Variants in DENND1A observed in about 807,000 individuals in gnomAD.
DENND1A encodes the protein DENN domain-containing protein 1A.
DENND1A carries 51 observed loss-of-function variants against 113.7 expected under a neutral mutation model. The ratio of observed to expected loss-of-function variants is 0.45; its 90% CI spans 0.36 to 0.57. The LOEUF is 0.57. DENND1A is among the 20% of genes least tolerant of loss of function. The pLI is 0.00. For missense variants in DENND1A, 1,258 were observed against 1,395.9 expected (o/e 0.90, Z 1.57); for synonymous variants, 565 against 570.8 (o/e 0.99, Z 0.14).
intron 13 of DENND1A, among the ~76,000 whole-genome samples, chr9:123,548,101 C>CCAT (rs1473400202): frequency 6.6e-6 from 1 of 152,158 alleles, no homozygotes; most frequent in African/African-American, 2.4e-5. Context: ...ATTCCAAAGG[C>CCAT]CATACTCCTT....
chr9:123,804,344 AT>A (rs1835188678), intron 2 of DENND1A, among the ~76,000 whole-genome samples: 1 of 152,150 alleles, frequency 6.6e-6, no homozygotes, highest in Non-Finnish European at 1.5e-5. Context: ...AGTCTCGGGT[AT>A]GTCTTTATAG....
chr9:123,542,573 A>G (rs1269236361), intron 13 of DENND1A, among the ~76,000 whole-genome samples: 1 of 152,074 alleles, frequency 6.6e-6, no homozygotes, highest in East Asian at 1.9e-4. Flanking sequence ...ACCTTTGCAC[A>G]CTGAGTTCCC....
At chr9:123,660,680 T>C (rs2063189757) in intron 8 of DENND1A, among the ~76,000 whole-genome samples, 1 of 152,158 alleles carries the variant, frequency 6.6e-6, no homozygotes, top group African/African-American at 2.4e-5. Flanking sequence ...TTAAATACAG[T>C]GAATTAAACA....
At chr9:123,553,662 G>C (rs1251581192) in intron 13 of DENND1A, among the ~76,000 whole-genome samples, 1 of 152,246 alleles carries the variant, frequency 6.6e-6, no homozygotes, top group South Asian at 2.1e-4. Context: ...CAAAAGAAAC[G>C]AAAAATCCTA....
intron 13 of DENND1A, among the ~76,000 whole-genome samples, chr9:123,471,298 C>A (rs578248532): frequency 6.6e-6 from 1 of 152,068 alleles, no homozygotes; most frequent in African/African-American, 2.4e-5. Context: ...TCTCATCTGC[C>A]GAATGGGGGA....
intron 5 of DENND1A, among the ~76,000 whole-genome samples, chr9:123,693,851 CAG>C (rs958307392): frequency 1.6e-5 from 2 of 122,070 alleles, no homozygotes; most frequent in Non-Finnish European, 3.6e-5. Flanking sequence ...TATTTTGAGA[CAG>C]AATCTCTCTC....
rs553140669 is a variant in DENND1A at position 123,437,814 on chromosome 9, A to C, written c.1488+2546T>G. 9 of 152,284 alleles carry C rather than the reference A, an allele frequency of 5.9e-5. No homozygotes were observed. In the East Asian group the frequency reaches 1.7e-3, roughly 29 times the overall value. The allele number at this position is 152,284 out of a possible 1,614,324, so 9.4% of individuals were successfully genotyped here. A position where few individuals can be genotyped will look rare whatever the true frequency, so the allele number is the denominator to read the frequency against. The stretch of plus-strand genomic sequence containing the variant: ...CTCAAAGGGATGTGGTGGAGACAAC[A>C]AAAAAGATACCAAGGAGTCTGTTGG... On this transcript the variant is annotated intron_variant, in intron 19 of 23. Coordinates refer to ENST00000394215, the MANE Select transcript of DENND1A (RefSeq NM_001352964.2).
chr9:123,786,436 A>G (rs73666284), intron 3 of DENND1A, among the ~76,000 whole-genome samples: 2,414 of 152,260 alleles, frequency 0.016, 72 homozygotes, highest in African/African-American at 0.056. Flanking sequence ...TGTTGTGGCC[A>G]TGCCATTATT....
chr9:123,415,129 G>C (rs1407737186), intron 19 of DENND1A, among the ~76,000 whole-genome samples: 1 of 152,168 alleles, frequency 6.6e-6, no homozygotes, highest in African/African-American at 2.4e-5. Context: ...GGGATATAAA[G>C]ATGCCAAGAA....
Position 123,381,304 on chromosome 9 carries a change from G to A in DENND1A, c.*128C>T. On this transcript the variant is annotated 3_prime_UTR_variant, in exon 24 of 24. Coordinates refer to ENST00000394215, the MANE Select transcript of DENND1A (RefSeq NM_001352964.2). The surrounding 1 kb of genome is among the most constrained non-coding windows in gnomAD (Gnocchi z 4.7). ...GCAGTGTGGAGGGGAGGAGGGGGCA[G>A]CAGAGAGGGGTCCCATCCCTTCCCA... The A allele has an allele frequency of 3.5e-6, 3 of 855,616 alleles. No individual in the cohort carries two copies. Among genetic ancestry groups the A allele is most frequent in the Non-Finnish European group, 5.4e-6 (3 of 552,724 alleles). 53.0% of individuals were successfully genotyped at this position (855,616 alleles called of 1,614,324 possible).
chr9:123,495,449 T>C (rs1344810359), intron 13 of DENND1A, among the ~76,000 whole-genome samples: 1 of 152,086 alleles, frequency 6.6e-6, no homozygotes, highest in Non-Finnish European at 1.5e-5. Flanking sequence ...CCACTTTCCT[T>C]CTCAAAGGAA....
chr9:123,885,802 G>C (rs1348055856), intron 1 of DENND1A, among the ~76,000 whole-genome samples: 2 of 152,038 alleles, frequency 1.3e-5, no homozygotes, highest in South Asian at 2.1e-4. Context: ...TTCTTTTCGA[G>C]ATAGTCTCAC....
intron 10 of DENND1A, among the ~76,000 whole-genome samples, chr9:123,620,885 G>A (rs1447160148): frequency 6.6e-6 from 1 of 151,494 alleles, no homozygotes; most frequent in Non-Finnish European, 1.5e-5. Context: ...TATCTTGACT[G>A]GATGCTTGAG....
intron 13 of DENND1A, among the ~76,000 whole-genome samples, chr9:123,482,310 C>A (rs1262565792): frequency 6.6e-6 from 1 of 152,204 alleles, no homozygotes; most frequent in Non-Finnish European, 1.5e-5. Context: ...GTTGGCCAGG[C>A]TGGTCTTGAA....
intron 18 of DENND1A, among the ~76,000 whole-genome samples, chr9:123,446,981 C>T (rs540203281): frequency 3.9e-5 from 6 of 152,332 alleles, no homozygotes; most frequent in South Asian, 2.1e-4. Flanking sequence ...CCTATCTTAA[C>T]GTTGCCTGCA....
At chr9:123,489,927 C>T (rs532383327) in intron 13 of DENND1A, among the ~76,000 whole-genome samples, 1 of 152,244 alleles carries the variant, frequency 6.6e-6, no homozygotes, top group African/African-American at 2.4e-5. Flanking sequence ...TCAGTAGTCA[C>T]CTAGGTTAAA....
At chr9:123,431,951 T>C (rs2046163283) in intron 19 of DENND1A, among the ~76,000 whole-genome samples, 1 of 152,202 alleles carries the variant, frequency 6.6e-6, no homozygotes, top group African/African-American at 2.4e-5. Flanking sequence ...CAACATGAAC[T>C]TGGGCTGAAC....
chr9:123,905,160 G>C (rs1157036999), intron 1 of DENND1A, among the ~76,000 whole-genome samples: 2 of 151,722 alleles, frequency 1.3e-5, no homozygotes, highest in African/African-American at 4.9e-5. Flanking sequence ...CAAATGCTGA[G>C]AGATTTTGTC....
intron 2 of DENND1A, among the ~76,000 whole-genome samples, chr9:123,861,531 G>A (rs1391517737): frequency 6.6e-6 from 1 of 152,090 alleles, no homozygotes; most frequent in Non-Finnish European, 1.5e-5. Flanking sequence ...TCTGTTCACA[G>A]CCAAAGCCTT....
Sources: gnomAD v4.1 joint callset for allele counts (sites outside exome capture counted in the v4.1 genomes callset) on GRCh38, gnomAD v4.1.1 for gene constraint, Gnocchi (gnomAD v3.1) non-coding constraint, MANE v1.5 for transcripts, NCBI Gene and HGNC (gene_info 2026-07-23, HGNC 2026-07-21) for gene names.